Variants in DNER observed in about 807,000 individuals in gnomAD.
The protein encoded by DNER is delta and Notch-like epidermal growth factor-related receptor.
In DNER, 33 loss-of-function variants were observed where a neutral mutation model predicts 78.2. That is an observed-to-expected ratio of 0.42 (90% CI 0.32 to 0.56). DNER has a LOEUF of 0.56. Among genes scored for constraint, DNER ranks in the 20% least tolerant of loss-of-function variants. The pLI, the probability that DNER is intolerant of heterozygous loss-of-function variation, is 0.11. For synonymous variants in DNER, 417 were observed against 384.8 expected (o/e 1.08, Z -0.98); for missense variants, 918 against 975.3 (o/e 0.94, Z 0.78).
chr2:229,681,005 C>T (rs925232418), intron 1 of DNER, among the ~76,000 whole-genome samples: 1 of 152,118 alleles, frequency 6.6e-6, no homozygotes, highest in East Asian at 1.9e-4. Context: ...TTGCAAACAA[C>T]GTAAAACCAC....
rs73998289 is a variant in DNER at position 229,596,821 on chromosome 2, T to C, written c.277-4933A>G. On this transcript the variant is annotated intron_variant, in intron 1 of 12. Transcript: ENST00000341772. The stretch of plus-strand genomic sequence containing the variant: ...GGAAGGCCAGGAGAAACACTCTTAG[T>C]GAAGAAGAGAGGACAAAAGCTAAAA... Among the ~76,000 whole-genome samples, 1,438 of 152,338 alleles carry C rather than the reference T, an allele frequency of 9.4e-3. 35 individuals are homozygous for C. The highest frequency in any genetic ancestry group is 0.033 in the African/African-American group (1,356 of 41,580).
intron 6 of DNER, among the ~76,000 whole-genome samples, chr2:229,495,371 T>C (rs7597072): frequency 0.48 from 73,303 of 152,036 alleles, 18,261 homozygotes; most frequent in African/African-American, 0.59. Flanking sequence ...CCCATATCTA[T>C]GGTCAGCAAG....
chr2:229,421,518 G>GTATATC (rs1007376279), intron 8 of DNER, among the ~76,000 whole-genome samples: 1 of 149,484 alleles, frequency 6.7e-6, no homozygotes, highest in Middle Eastern at 3.6e-3. Flanking sequence ...ACCACTATCT[G>GTATATC]TATATCTATA....
Position 229,585,907 on chromosome 2 carries a change from T to C in DNER, c.798A>G (p.Gly266=). 6.2e-7 allele frequency: 1 copy of C among 1,613,848 alleles called. No homozygotes were observed. Residue 266 remains glycine (G), a synonymous_variant, in exon 4 of 13, where the codon GGA becomes GGG. Coordinates refer to ENST00000341772, the MANE Select transcript of DNER (RefSeq NM_139072.4). ...CGAGCATCTCCTCCAGGAGGACCAG[T>C]CCCCCTGAAGCCTGAAGGGGGGTCA... ...RSVTPLQASG[G]LVLLEEMLAL...
chr2:229,612,620 G>A (rs1047474083), intron 1 of DNER, among the ~76,000 whole-genome samples: 11 of 152,244 alleles, frequency 7.2e-5, no homozygotes, highest in African/African-American at 1.2e-4. Context: ...ACAAAGCTGG[G>A]TGGAACATGC....
intron 12 of DNER, among the ~76,000 whole-genome samples, chr2:229,359,670 C>A (rs1472891092): frequency 2.6e-5 from 4 of 152,122 alleles, no homozygotes; most frequent in Non-Finnish European, 5.9e-5. Flanking sequence ...GGCTCCTGTC[C>A]CAACTCTCCT....
At chr2:229,668,711 C>A (rs1025672710) in intron 1 of DNER, among the ~76,000 whole-genome samples, 6 of 151,008 alleles carry the variant, frequency 4.0e-5, no homozygotes, top group African/African-American at 1.5e-4. Flanking sequence ...ATTAAAAAGT[C>A]AGGAAACAAC....
In DNER at chr2:229,399,899, A is replaced by G. The variant is rs564858410; in HGVS notation, c.1723+7333T>C. On this transcript the variant is annotated intron_variant, in intron 10 of 12. Coordinates refer to ENST00000341772, the MANE Select transcript of DNER (RefSeq NM_139072.4). ...CAAACTGTGAGAAAAGATTCTAACT[A>G]TATTACAACTGTATGGAACAACCTC... is the stretch of plus-strand genomic sequence containing the variant. Among the ~76,000 whole-genome samples, 9 of 152,186 alleles carry G rather than the reference A, an allele frequency of 5.9e-5. No homozygotes were observed. In the South Asian group the frequency reaches 1.0e-3, roughly 18 times the overall value.
At chr2:229,388,131 C>G in intron 11 of DNER, 134 bp downstream of exon 11, 2 of 1,338,088 alleles carry the variant, frequency 1.5e-6, no homozygotes, top group East Asian at 5.2e-5. Context: ...GGTTGTCCCT[C>G]TGGGACTCAC....
intron 4 of DNER, among the ~76,000 whole-genome samples, chr2:229,563,102 ACCATCACCATCATCATCCTCCTCCTCATC>A (rs1696994913): frequency 1.4e-5 from 2 of 138,032 alleles, no homozygotes; most frequent in East Asian, 2.3e-4. Flanking sequence ...ACATCATCAC[ACCATCACCATCATCATCCTCCTCCTCATC>A]CCATCACCAT....
chr2:229,395,785 T>C (rs1431264677), intron 10 of DNER, among the ~76,000 whole-genome samples: 2 of 151,876 alleles, frequency 1.3e-5, no homozygotes, highest in Non-Finnish European at 2.9e-5. Flanking sequence ...GTAATCCCAG[T>C]TACTTGGGAG....
At chr2:229,713,037 T>A (rs73097229) in intron 1 of DNER, among the ~76,000 whole-genome samples, 21,266 of 152,196 alleles carry the variant, frequency 0.14, 1,581 homozygotes, top group African/African-American at 0.18. Context: ...ATTTGAGCAT[T>A]CTCAAAGTAA....
At chr2:229,681,134 C>T (rs1230476855) in intron 1 of DNER, among the ~76,000 whole-genome samples, 2 of 152,200 alleles carry the variant, frequency 1.3e-5, no homozygotes, top group Non-Finnish European at 2.9e-5. Flanking sequence ...TGTAAACACT[C>T]CCAGTATGGC....
At chr2:229,703,367 C>T (rs1374297218) in intron 1 of DNER, among the ~76,000 whole-genome samples, 1 of 152,148 alleles carries the variant, frequency 6.6e-6, no homozygotes, top group East Asian at 1.9e-4. Flanking sequence ...GAAAACTACC[C>T]ATACATTGCA....
At chr2:229,387,509 G>GAGAGAAAGAAAGAAAGAA (rs1286340836) in intron 11 of DNER, among the ~76,000 whole-genome samples, 17 of 76,176 alleles carry the variant, frequency 2.2e-4, no homozygotes, top group Non-Finnish European at 3.3e-4. Flanking sequence ...GAAAGAAAGA[G>GAGAGAAAGAAAGAAAGAA]AGAAAGAAAG....
chr2:229,573,792 C>G (rs1005976387), intron 4 of DNER, among the ~76,000 whole-genome samples: 8 of 152,110 alleles, frequency 5.3e-5, no homozygotes, highest in Non-Finnish European at 1.0e-4. Flanking sequence ...CATGAAAGAC[C>G]ATGAAAGCAG....
At chr2:229,585,117 G>T (rs1231700715) in intron 4 of DNER, among the ~76,000 whole-genome samples, 1 of 152,114 alleles carries the variant, frequency 6.6e-6, no homozygotes, top group Non-Finnish European at 1.5e-5. Context: ...TCACTGTGAG[G>T]TGCTGTGTTT....
At chr2:229,464,285 A>G (rs1316141773) in intron 7 of DNER, among the ~76,000 whole-genome samples, 1 of 152,260 alleles carries the variant, frequency 6.6e-6, no homozygotes, top group Non-Finnish European at 1.5e-5. Flanking sequence ...AAAAGACCCA[A>G]TAGGATTGCA....
At chr2:229,539,427 C>A (rs1271426001) in intron 5 of DNER, among the ~76,000 whole-genome samples, 1 of 152,200 alleles carries the variant, frequency 6.6e-6, no homozygotes, top group Admixed American at 6.5e-5. Flanking sequence ...GAAGAACTGG[C>A]AATGCTGCTT....
Sources: gnomAD v4.1 joint callset for allele counts (sites outside exome capture counted in the v4.1 genomes callset) on GRCh38, gnomAD v4.1.1 for gene constraint, MANE v1.5 for transcripts, NCBI Gene and HGNC (gene_info 2026-07-23, HGNC 2026-07-21) for gene names.